The following ARHGEF2 variants were observed in gnomAD, a reference collection of about 807,000 sequenced individuals.
ARHGEF2 encodes Rho/Rac guanine nucleotide exchange factor 2, also known as rho guanine nucleotide exchange factor 2.
A neutral mutation model predicts 121.0 loss-of-function variants in ARHGEF2; 22 were observed. That is an observed-to-expected ratio of 0.18 (90% CI 0.13 to 0.26). The LOEUF is 0.26. Among genes scored for constraint, ARHGEF2 ranks in the 10% least tolerant of loss-of-function variants. ARHGEF2 has a pLI of 1.00. For synonymous variants in ARHGEF2, 487 were observed against 530.0 expected (o/e 0.92, Z 1.11); for missense variants, 907 against 1,336.0 (o/e 0.68, Z 5.01).
In ARHGEF2 at chr1:155,965,313, G is replaced by A; in HGVS notation, c.570C>T (p.Leu190=). The A allele has an allele frequency of 1.2e-6, 2 of 1,614,088 alleles. No homozygotes were observed. Among genetic ancestry groups the A allele is most frequent in the South Asian group, 1.1e-5 (1 of 91,080 alleles). Reference sequence around the variant, plus strand: ...CCCAGGCCTGCTCACCTTCGTCAATGAGGGATTCCACGGATAGGGTTCGGT... The same window carrying A: ...CCCAGGCCTGCTCACCTTCGTCAATAAGGGATTCCACGGATAGGGTTCGGT... ...MRNRTLSVES[L]IDEAEVIYSE... Residue 190 remains leucine, a synonymous_variant, in exon 6 of 22, where the codon CTC becomes CTT. Transcript: ENST00000361247. This position sits in a 1 kb window ranked among gnomAD's most constrained non-coding sequence, Gnocchi z 6.0.
chr1:155,953,436 T>C (rs1675932851), intron 14 of ARHGEF2, among the ~76,000 whole-genome samples: 1 of 152,160 alleles, frequency 6.6e-6, no homozygotes, highest in Admixed American at 6.5e-5. Flanking sequence ...TATTGCTACA[T>C]GACTACATTC....
chr1:155,964,472 G>A (rs1678935187), intron 7 of ARHGEF2, among the ~76,000 whole-genome samples: 2 of 151,896 alleles, frequency 1.3e-5, no homozygotes, highest in African/African-American at 4.8e-5. Flanking sequence ...CAAGCACAGA[G>A]TAAAGACTGA....
Position 155,963,149 on chromosome 1 carries a change from T to C in ARHGEF2, c.759A>G (p.Thr253=), listed in dbSNP as rs151002254. The change falls in exon 8 of 22, where the codon ACA becomes ACG. Residue 253 remains threonine, a synonymous_variant. Transcript: ENST00000361247. Reference sequence around the variant, plus strand: ...GGAAGAGGCGGGTCATGATCTTCAGTGTCCTCACATGGTGCAGCTCTGTCT... The same window carrying C: ...GGAAGAGGCGGGTCATGATCTTCAGCGTCCTCACATGGTGCAGCTCTGTCT... ...LIQTELHHVR[T]LKIMTRLFRT... 5.1e-4 allele frequency: 823 copies of C among 1,612,860 alleles called. 2 individuals carry two copies. Among genetic ancestry groups the C allele is most frequent in the Middle Eastern group, 4.9e-3 (30 of 6,062 alleles).
Position 155,964,971 on chromosome 1 carries a change from G to C in ARHGEF2, c.724+17C>G. ...ACCTGGTGAAGGAAGAGGAAGACTA[G>C]GGTGGTCTTGGCTTACCATAGATGA... On this transcript the variant is annotated intron_variant, in intron 7 of 21. Coordinates refer to ENST00000361247, the MANE Select transcript of ARHGEF2 (RefSeq NM_001162383.2). 1 of 1,611,024 alleles carries C rather than the reference G, an allele frequency of 6.2e-7. No individual in the cohort carries two copies. Among genetic ancestry groups the C allele is most frequent in the South Asian group, 1.1e-5 (1 of 90,860 alleles).
Position 155,952,918 on chromosome 1 carries a change from T to G in ARHGEF2, c.1784-90A>C, listed in dbSNP as rs548393994. The G allele has an allele frequency of 9.3e-6, 11 of 1,181,586 alleles. No homozygotes were observed. In the Admixed American group the frequency reaches 1.9e-4, roughly 20 times the overall value. 73.2% of individuals were successfully genotyped at this position (1,181,586 alleles called of 1,614,324 possible). ...ACAGCCCTAGGGGAGAGGGGTAGGG[T>G]GGGGCAGTGTGGCAGACTTAATTTT... On this transcript the variant is annotated intron_variant, in intron 14 of 21. Coordinates refer to ENST00000361247, the MANE Select transcript of ARHGEF2 (RefSeq NM_001162383.2).
In ARHGEF2 at chr1:155,963,044, G is replaced by C. The variant is rs774862963; in HGVS notation, c.864C>G (p.Asp288Glu). The C allele has an allele frequency of 6.2e-7, 1 of 1,614,184 alleles. No individual in the cohort carries two copies. The highest frequency in any genetic ancestry group is 8.5e-7 in the Non-Finnish European group (1 of 1,180,032). The change falls in exon 8 of 22, where the codon GAC (aspartate) becomes GAG (glutamate). Residue 288 changes from aspartate (D) to glutamate (E), a missense_variant. This residue lies in a region of ARHGEF2 where 475 missense variants were observed against 776.5 expected (regional missense o/e 0.61). Coordinates refer to ENST00000361247, the MANE Select transcript of ARHGEF2 (RefSeq NM_001162383.2). Reference protein sequence around the residue: ...GLFPCVDELSDIHTRFLSQLL... With the variant: ...GLFPCVDELSEIHTRFLSQLL... ...GCTGGCTGAGGAAGCGTGTATGGAT[G>C]TCACTGAGCTCGTCCACGCAGGGGA...
At chr1:155,971,075 A>C (rs1680364624) in intron 1 of ARHGEF2, 1 of 985,950 alleles carries the variant, frequency 1.0e-6, no homozygotes, top group South Asian at 4.7e-5. Flanking sequence ...TCCCGCCCAC[A>C]GCCTCTCCTC....
chr1:155,972,191 C>G (rs1045031251), intron 1 of ARHGEF2: 14 of 451,886 alleles, frequency 3.1e-5, no homozygotes, highest in South Asian at 2.0e-4. Context: ...CTCTCTCTGG[C>G]ATCAATGCTC....
chr1:155,958,668 C>T (rs769817600), intron 11 of ARHGEF2, among the ~76,000 whole-genome samples: 3 of 151,324 alleles, frequency 2.0e-5, no homozygotes, highest in East Asian at 3.9e-4. Context: ...CTCCGCCTCC[C>T]GGGTTCAAGC....
intron 15 of ARHGEF2, 93 bp from the exon 16 acceptor site, chr1:155,952,328 G>T: frequency 6.5e-7 from 1 of 1,536,862 alleles, no homozygotes. Context: ...TTGGGCATCT[G>T]GGGGAATGCC....
chr1:155,957,663 G>C (rs752202520), intron 13 of ARHGEF2, 50 bp downstream of exon 13: 4 of 1,554,550 alleles, frequency 2.6e-6, no homozygotes, highest in Middle Eastern at 2.3e-4. Context: ...ATCTAATGCT[G>C]CAGGTACCCT....
chr1:155,964,754 T>C (rs1299159703), intron 7 of ARHGEF2, among the ~76,000 whole-genome samples: 3 of 151,968 alleles, frequency 2.0e-5, no homozygotes, highest in Non-Finnish European at 2.9e-5. Flanking sequence ...ACCCCGTCTC[T>C]ACTAAAAATG....
At position 155,966,843 on chromosome 1, in the gene ARHGEF2, T is replaced by C. The variant is rs1206532771; in HGVS notation, c.253A>G (p.Asn85Asp). 1.9e-6 allele frequency: 3 copies of C among 1,613,546 alleles called. No homozygotes were observed. Among genetic ancestry groups the C allele is most frequent in the South Asian group, 2.2e-5 (2 of 91,062 alleles). ...IHNRCKDTLA[N>D]CTKVKQKQQK... Reference sequence around the variant, plus strand: ...ACCTTCTGCTTGACCTTGGTACAGTTGGCGAGGGTGTCTTTACAGCGGTTG... The same window carrying C: ...ACCTTCTGCTTGACCTTGGTACAGTCGGCGAGGGTGTCTTTACAGCGGTTG... The change falls in exon 3 of 22, where the codon AAC becomes GAC. Residue 85 changes from asparagine (N) to aspartate (D), a missense_variant. Asn to Asp is a conservative substitution (Grantham distance 23). This residue lies in a region of ARHGEF2 where 475 missense variants were observed against 776.5 expected (regional missense o/e 0.61). Transcript: ENST00000361247.
Position 155,967,124 on chromosome 1 carries a change from A to T in ARHGEF2, c.209-237T>A, listed in dbSNP as rs1679560884. Among the ~76,000 whole-genome samples the T allele has an allele frequency of 2.0e-5, 3 of 152,088 alleles. No individual in the cohort carries two copies. The South Asian group carries it at 6.2e-4, about 31-fold the overall frequency. ...GAATGAAATTAAACAATCAAGTGGG[A>T]TGGGCAATCCTGACCCCAAGGTGGC... On this transcript the variant is annotated intron_variant, in intron 2 of 21. Transcript: ENST00000361247.
chr1:155,975,381 G>A (rs963771560), intron 1 of ARHGEF2, among the ~76,000 whole-genome samples: 2 of 151,986 alleles, frequency 1.3e-5, no homozygotes, highest in Non-Finnish European at 2.9e-5. Context: ...TCCTCTGGTC[G>A]GCCTCAGTAG....
chr1:155,967,948 T>C (rs1279177674), intron 2 of ARHGEF2, among the ~76,000 whole-genome samples: 1 of 151,436 alleles, frequency 6.6e-6, no homozygotes, highest in Non-Finnish European at 1.5e-5. Context: ...GAAGTGGGGG[T>C]TGCAGCTGCC....
At position 155,950,518 on chromosome 1, in the gene ARHGEF2, G is replaced by C. The variant is rs200848492; in HGVS notation, c.2704-36C>G. On this transcript the variant is annotated intron_variant, in intron 20 of 21. Coordinates refer to ENST00000361247, the MANE Select transcript of ARHGEF2 (RefSeq NM_001162383.2). This position sits in a 1 kb window ranked among gnomAD's most constrained non-coding sequence, Gnocchi z 5.2. ...TGGGCAGGAAGAACAGCAGGTCAGG[G>C]ACTGAGTAGTGTGAAGATTGGAGGT... 6.2e-7 allele frequency: 1 copy of C among 1,601,054 alleles called. No individual in the cohort carries two copies. The highest frequency in any genetic ancestry group is 8.5e-7 in the Non-Finnish European group (1 of 1,170,612).
In ARHGEF2 at chr1:155,971,050, G is replaced by A. The variant is rs561338937; in HGVS notation, c.64-1750C>T. ...TTCCCTTTCTCAGCCTTGCTTCTCC[G>A]CCACTGTTCTCCTCTCCCGCCCACA... is the stretch of plus-strand genomic sequence containing the variant. On this transcript the variant is annotated intron_variant, in intron 1 of 21. Coordinates refer to ENST00000361247, the MANE Select transcript of ARHGEF2 (RefSeq NM_001162383.2). The A allele has an allele frequency of 2.8e-5, 28 of 986,542 alleles. No homozygotes were observed. In the East Asian group the frequency reaches 1.4e-3, roughly 48 times the overall value. The allele number at this position is 986,542 out of a possible 1,614,324, so 61.1% of individuals were successfully genotyped here. A position where few individuals can be genotyped will look rare whatever the true frequency, so the allele number is the denominator to read the frequency against.
intron 13 of ARHGEF2, among the ~76,000 whole-genome samples, chr1:155,957,025 T>C (rs1676830445): frequency 6.6e-6 from 1 of 150,570 alleles, no homozygotes; most frequent in South Asian, 2.1e-4. Flanking sequence ...CGAGACTCTG[T>C]CTCAAAAAAA....
Sources: allele counts gnomAD v4.1 joint callset (sites outside exome capture counted in the v4.1 genomes callset), GRCh38; gene constraint gnomAD v4.1.1; regional missense constraint gnomAD v4.1.1; non-coding constraint Gnocchi (gnomAD v3.1); transcripts MANE v1.5; gene names NCBI Gene and HGNC (gene_info 2026-07-23, HGNC 2026-07-21).